Variants in PRICKLE1 observed in about 807,000 individuals in gnomAD.
PRICKLE1 encodes the protein prickle-like protein 1.
Under a neutral mutation model 70.2 loss-of-function variants are expected in PRICKLE1, and 14 were observed. The observed-to-expected ratio is 0.20, with a 90% confidence interval of 0.13 to 0.31. PRICKLE1 has a LOEUF of 0.31. PRICKLE1 is among the 10% of genes least tolerant of loss of function. PRICKLE1 has a pLI of 1.00. For synonymous variants in PRICKLE1, 357 were observed against 379.9 expected (o/e 0.94, Z 0.70); for missense variants, 821 against 1,026.2 (o/e 0.80, Z 2.73).
chr12:42,490,650 T>G (rs111297440), intron 1 of PRICKLE1, among the ~76,000 whole-genome samples: 2,325 of 152,156 alleles, frequency 0.015, 55 homozygotes, highest in African/African-American at 0.053. Context: ...TAAACTGGAC[T>G]TGTGGCTGCC....
intron 1 of PRICKLE1, among the ~76,000 whole-genome samples, chr12:42,546,206 C>A (rs979336248): frequency 3.3e-5 from 5 of 152,134 alleles, no homozygotes; most frequent in Non-Finnish European, 7.3e-5. Flanking sequence ...AAAAGACTCC[C>A]ACCTCATTAA....
intron 1 of PRICKLE1, among the ~76,000 whole-genome samples, chr12:42,581,010 T>C (rs1940889499): frequency 6.6e-6 from 1 of 152,008 alleles, no homozygotes; most frequent in African/African-American, 2.4e-5. Flanking sequence ...TTTGGTCTAG[T>C]AGGATTAGAA....
intron 1 of PRICKLE1, among the ~76,000 whole-genome samples, chr12:42,506,119 GTGACTC>G (rs1197630573): frequency 6.8e-6 from 1 of 146,466 alleles, no homozygotes; most frequent in Non-Finnish European, 1.5e-5. Context: ...ATGTTGCTGA[GTGACTC>G]TCAGGACTTT....
At chr12:42,520,644 C>T (rs1939693500) in intron 1 of PRICKLE1, among the ~76,000 whole-genome samples, 1 of 152,096 alleles carries the variant, frequency 6.6e-6, no homozygotes, top group Non-Finnish European at 1.5e-5. Flanking sequence ...TACATTAACC[C>T]CCAAATACAC....
At chr12:42,532,894 C>A (rs367754333) in intron 1 of PRICKLE1, among the ~76,000 whole-genome samples, 383 of 132,948 alleles carry the variant, frequency 2.9e-3, no homozygotes, top group Middle Eastern at 3.9e-3. Flanking sequence ...GACTCCGTCT[C>A]AAAAAAAAAA....
At chr12:42,535,462 T>C (rs1940001484) in intron 1 of PRICKLE1, among the ~76,000 whole-genome samples, 1 of 151,966 alleles carries the variant, frequency 6.6e-6, no homozygotes, top group African/African-American at 2.4e-5. Context: ...GAAACTGATA[T>C]GAGGGTCAAC....
chr12:42,459,548 A>G lies in PRICKLE1; in HGVS notation c.*261T>C, dbSNP rs1043656. ...ATTCCCTTGAGGACTGGAAAACCAA[A>G]GCAGCTACGTCCATCTGTAACGCAC... On this transcript the variant is annotated 3_prime_UTR_variant, in exon 8 of 8. Transcript: ENST00000345127. 0.34 allele frequency: 206,315 copies of G among 615,396 alleles called. 37,198 individuals are homozygous for G. The highest frequency in any genetic ancestry group is 0.38 in the Non-Finnish European group (131,314 of 346,746). The allele number at this position is 615,396 out of a possible 1,614,324, so 38.1% of individuals were successfully genotyped here.
At chr12:42,546,121 T>G (rs1940208332) in intron 1 of PRICKLE1, among the ~76,000 whole-genome samples, 1 of 152,080 alleles carries the variant, frequency 6.6e-6, no homozygotes, top group African/African-American at 2.4e-5. Flanking sequence ...AATTCAGACC[T>G]TTGCCTTGTA....
chr12:42,477,516 A>G lies in PRICKLE1; in HGVS notation c.-48-4952T>C, dbSNP rs61924386. Among the ~76,000 whole-genome samples the G allele has an allele frequency of 1.5e-3, 36 of 23,656 alleles. 1 individual carries two copies. The highest frequency in any genetic ancestry group is 7.0e-3 in the South Asian group (8 of 1,136). 15.5% of individuals were successfully genotyped at this position (23,656 alleles called of 152,430 possible). A position where few individuals can be genotyped will look rare whatever the true frequency, so the allele number is the denominator to read the frequency against. On this transcript the variant is annotated intron_variant, in intron 1 of 7. Coordinates refer to ENST00000345127, the MANE Select transcript of PRICKLE1 (RefSeq NM_153026.3). The stretch of plus-strand genomic sequence containing the variant: ...TATATATATATATATATATATATAT[A>G]TATATATATATATATATGACCTCAC...
chr12:42,588,670 C>T (rs1390572672), intron 1 of PRICKLE1, among the ~76,000 whole-genome samples: 1 of 152,118 alleles, frequency 6.6e-6, no homozygotes, highest in Non-Finnish European at 1.5e-5. Context: ...CGTGATGCAG[C>T]CGTCCTCCCT....
At chr12:42,484,613 C>T (rs973564843) in intron 1 of PRICKLE1, among the ~76,000 whole-genome samples, 1 of 152,144 alleles carries the variant, frequency 6.6e-6, no homozygotes, top group African/African-American at 2.4e-5. Context: ...AGCCAGGTCA[C>T]GCGATGTACT....
Position 42,478,240 on chromosome 12 carries a change from T to C in PRICKLE1, c.-48-5676A>G, listed in dbSNP as rs143991922. ...CTTGACTATTCTAAGGCAGATTTAT[T>C]GTCTTGGTCTTAAAATGCTGTAGCA... On this transcript the variant is annotated intron_variant, in intron 1 of 7. Coordinates refer to ENST00000345127, the MANE Select transcript of PRICKLE1 (RefSeq NM_153026.3). Among the ~76,000 whole-genome samples the C allele has an allele frequency of 3.1e-3, 470 of 152,320 alleles. 4 individuals carry two copies. Among genetic ancestry groups the C allele is most frequent in the African/African-American group, 0.011 (452 of 41,574 alleles).
intron 1 of PRICKLE1, among the ~76,000 whole-genome samples, chr12:42,477,201 C>T (rs1045384740): frequency 1.4e-4 from 21 of 151,578 alleles, no homozygotes; most frequent in African/African-American, 2.7e-4. Flanking sequence ...GGAGAAACCC[C>T]GTCTCTACTA....
chr12:42,511,029 A>G (rs1383406919), intron 1 of PRICKLE1, among the ~76,000 whole-genome samples: 1 of 152,218 alleles, frequency 6.6e-6, no homozygotes, highest in Non-Finnish European at 1.5e-5. Context: ...ACACTTCAAA[A>G]GAAGCAGGCC....
chr12:42,496,608 T>C (rs143432163), intron 1 of PRICKLE1, among the ~76,000 whole-genome samples: 57 of 152,378 alleles, frequency 3.7e-4, no homozygotes, highest in Middle Eastern at 3.4e-3. Context: ...TTGTTTAGTG[T>C]AGCCACCTTC....
intron 1 of PRICKLE1, among the ~76,000 whole-genome samples, chr12:42,518,156 G>A (rs1057265616): frequency 2.0e-5 from 3 of 150,224 alleles, no homozygotes; most frequent in African/African-American, 7.3e-5. Flanking sequence ...TGATCCTACT[G>A]CCTCAGCCTC....
At chr12:42,498,546 G>C (rs1368572999) in intron 1 of PRICKLE1, among the ~76,000 whole-genome samples, 1 of 152,216 alleles carries the variant, frequency 6.6e-6, no homozygotes, top group Non-Finnish European at 1.5e-5. Context: ...ACTTTCAGAG[G>C]CTGAGGCAGG....
At position 42,459,112 on chromosome 12, in the gene PRICKLE1, G is replaced by A. The variant is rs749474350; in HGVS notation, c.*697C>T. On this transcript the variant is annotated 3_prime_UTR_variant, in exon 8 of 8. Coordinates refer to ENST00000345127, the MANE Select transcript of PRICKLE1 (RefSeq NM_153026.3). The stretch of plus-strand genomic sequence containing the variant: ...TCCCTGGCAAATCTAGCACTGCAGC[G>A]TAACAAACGGCTTACAATTCAGGGA... 18 of 498,892 alleles carry A rather than the reference G, an allele frequency of 3.6e-5. No homozygotes were observed. The highest frequency in any genetic ancestry group is 1.0e-3 in the Middle Eastern group (2 of 1,924). 30.9% of individuals were successfully genotyped at this position (498,892 alleles called of 1,614,324 possible).
intron 7 of PRICKLE1, among the ~76,000 whole-genome samples, chr12:42,462,282 C>T (rs987195172): frequency 4.0e-5 from 6 of 151,302 alleles, no homozygotes; most frequent in Non-Finnish European, 8.8e-5. Context: ...CTCACTGCAA[C>T]CTCCGCCTCC....
Sources: gnomAD v4.1 joint callset for allele counts (sites outside exome capture counted in the v4.1 genomes callset) on GRCh38, gnomAD v4.1.1 for gene constraint, MANE v1.5 for transcripts, NCBI Gene and HGNC (gene_info 2026-07-23, HGNC 2026-07-21) for gene names.